Variants in SBF2 observed in about 807,000 individuals in gnomAD.
SBF2 encodes the protein myotubularin-related protein 13.
A neutral mutation model predicts 225.2 loss-of-function variants in SBF2; 112 were observed. That is an observed-to-expected ratio of 0.50 (90% confidence interval 0.43 to 0.58). SBF2 has a LOEUF of 0.58. Ranked by LOEUF, SBF2 falls within the 20% of genes least tolerant of loss-of-function variation. The probability of loss-of-function intolerance (pLI) is 0.00; values close to 1 mark genes in which losing one functional copy is unlikely to be tolerated. For missense variants in SBF2, 1,996 were observed against 2,206.2 expected, an observed-to-expected ratio of 0.90 and a Z score of 1.91; for synonymous variants, 763 against 773.3, an observed-to-expected ratio of 0.99 and a Z score of 0.22.
chr11:10,109,921 G>A (rs1015093007), intron 2 of SBF2, among the ~76,000 whole-genome samples: 66 of 152,220 alleles, frequency 4.3e-4, no homozygotes, highest in African/African-American at 1.6e-3. Flanking sequence ...TCTAAAATTA[G>A]AACTTAACAC....
chr11:10,292,059 A>T (rs992235253), intron 1 of SBF2, among the ~76,000 whole-genome samples: 71 of 152,262 alleles, frequency 4.7e-4, no homozygotes, highest in African/African-American at 1.7e-3. Context: ...GATAAAGGAA[A>T]TGTTCCAGAT....
intron 2 of SBF2, among the ~76,000 whole-genome samples, chr11:10,187,779 A>C (rs1204952579): frequency 6.6e-6 from 1 of 152,174 alleles, no homozygotes; most frequent in East Asian, 1.9e-4. Context: ...TATTATGTTA[A>C]GTTACTAAGA....
intron 1 of SBF2, among the ~76,000 whole-genome samples, chr11:10,218,927 C>T (rs1202138737): frequency 6.6e-6 from 1 of 152,200 alleles, no homozygotes; most frequent in African/African-American, 2.4e-5. Flanking sequence ...TATAGCCCTG[C>T]TCCTGGCTGT....
At chr11:9,822,157 T>C (rs1208163480) in intron 28 of SBF2, among the ~76,000 whole-genome samples, 1 of 152,118 alleles carries the variant, frequency 6.6e-6, no homozygotes, top group Admixed American at 6.5e-5. Flanking sequence ...GTCTATATTA[T>C]TTTTTAAAGA....
intron 17 of SBF2, among the ~76,000 whole-genome samples, chr11:9,874,387 AG>A (rs1425892046): frequency 6.6e-6 from 1 of 152,176 alleles, no homozygotes; most frequent in Non-Finnish European, 1.5e-5. Flanking sequence ...ACTTTTCCAG[AG>A]ACCCCTAAAA....
intron 1 of SBF2, among the ~76,000 whole-genome samples, chr11:10,247,357 CT>C (rs1959901416): frequency 6.6e-6 from 1 of 151,960 alleles, no homozygotes; most frequent in African/African-American, 2.4e-5. Flanking sequence ...GAAAATCAGT[CT>C]CTGTCATTCA....
chr11:10,247,736 G>A (rs4910114), intron 1 of SBF2, among the ~76,000 whole-genome samples: 29,889 of 151,832 alleles, frequency 0.2, 3,119 homozygotes, highest in Middle Eastern at 0.26. Flanking sequence ...ATCAAAATAG[G>A]AGGCAAAGCA....
At chr11:10,125,511 T>C (rs1049623468) in intron 2 of SBF2, among the ~76,000 whole-genome samples, 1 of 152,208 alleles carries the variant, frequency 6.6e-6, no homozygotes, top group Admixed American at 6.5e-5. Context: ...CTACATAGCC[T>C]CCTGCCTTTT....
chr11:10,184,916 C>T (rs368765604), intron 2 of SBF2, among the ~76,000 whole-genome samples: 18 of 152,032 alleles, frequency 1.2e-4, no homozygotes, highest in African/African-American at 3.4e-4. Context: ...TTAGTAGAGA[C>T]GGGGTTTCAC....
chr11:9,990,861 A>G (rs558281729), intron 12 of SBF2, among the ~76,000 whole-genome samples: 21 of 152,328 alleles, frequency 1.4e-4, no homozygotes, highest in African/African-American at 4.3e-4. Flanking sequence ...AGATGGTGAG[A>G]TAAGAGCAGA....
intron 2 of SBF2, among the ~76,000 whole-genome samples, chr11:10,145,376 G>A (rs1167100666): frequency 6.6e-6 from 1 of 151,972 alleles, no homozygotes; most frequent in Non-Finnish European, 1.5e-5. Flanking sequence ...GAATACATCT[G>A]GATCATTATT....
chr11:10,258,201 C>T (rs72850453), intron 1 of SBF2, among the ~76,000 whole-genome samples: 8,127 of 151,792 alleles, frequency 0.054, 300 homozygotes, highest in Middle Eastern at 0.14. Flanking sequence ...AACTCCTGGG[C>T]TTAAGCAATC....
At chr11:10,281,337 T>C (rs535439889) in intron 1 of SBF2, among the ~76,000 whole-genome samples, 2 of 152,240 alleles carry the variant, frequency 1.3e-5, no homozygotes, top group East Asian at 1.9e-4. Flanking sequence ...CATATCAGAA[T>C]GCCAGTCTTA....
chr11:10,090,697 G>A (rs542269013), intron 2 of SBF2, among the ~76,000 whole-genome samples: 52 of 148,346 alleles, frequency 3.5e-4, no homozygotes, highest in African/African-American at 1.2e-3. Context: ...TCTGGGAGGC[G>A]GAGGCTGCAG....
At chr11:9,939,737 A>G (rs1332580603) in intron 16 of SBF2, among the ~76,000 whole-genome samples, 1 of 152,190 alleles carries the variant, frequency 6.6e-6, no homozygotes, top group African/African-American at 2.4e-5. Context: ...ACCTGCCAAT[A>G]CTTATTAACT....
chr11:9,858,867 A>G (rs1220948182), intron 17 of SBF2, among the ~76,000 whole-genome samples: 1 of 152,172 alleles, frequency 6.6e-6, no homozygotes, highest in African/African-American at 2.4e-5. Flanking sequence ...AGGATATAGC[A>G]TGAATTAGGG....
intron 2 of SBF2, among the ~76,000 whole-genome samples, chr11:10,095,888 G>A (rs12360569): frequency 0.059 from 8,982 of 151,832 alleles, 362 homozygotes; most frequent in Middle Eastern, 0.11. Flanking sequence ...TCAGAGCGGG[G>A]GAAAAAAAGA....
chr11:9,985,841 G>A (rs750793985), intron 13 of SBF2, among the ~76,000 whole-genome samples: 4 of 152,086 alleles, frequency 2.6e-5, no homozygotes, highest in Non-Finnish European at 5.9e-5. Context: ...AGTGGGGGAC[G>A]TCAATACTCC....
chr11:9,841,735 T>C lies in SBF2; in HGVS notation c.3256+890A>G, dbSNP rs181351077. ...TTTCAGTAGCAACAGGGTTTCGCCA[T>C]GTTGGCCAGGCTGGTCTCGAACTCC... On this transcript the variant is annotated intron_variant, in intron 25 of 39. Coordinates refer to ENST00000256190, the MANE Select transcript of SBF2 (RefSeq NM_030962.4). Among the ~76,000 whole-genome samples the C allele has an allele frequency of 3.3e-3, 507 of 152,294 alleles. 3 individuals carry two copies. Among genetic ancestry groups the C allele is most frequent in the South Asian group, 5.2e-3 (25 of 4,822 alleles).
Sources: gnomAD v4.1 joint callset for allele counts (sites outside exome capture counted in the v4.1 genomes callset) on GRCh38, gnomAD v4.1.1 for gene constraint, MANE v1.5 for transcripts, NCBI Gene and HGNC (gene_info 2026-07-23, HGNC 2026-07-21) for gene names.